Variants in PHKB observed in about 807,000 individuals in gnomAD.
The protein encoded by PHKB is phosphorylase b kinase regulatory subunit beta.
Under a neutral mutation model 152.1 loss-of-function variants are expected in PHKB, and 122 were observed. That is an observed-to-expected ratio of 0.80 (90% CI 0.69 to 0.93). PHKB has a LOEUF of 0.93. Ranked by LOEUF, PHKB falls within the 40% of genes least tolerant of loss-of-function variation. The pLI is 0.00. For missense variants in PHKB, 1,304 were observed against 1,328.4 expected, an observed-to-expected ratio of 0.98 and a Z score of 0.29; for synonymous variants, 436 against 464.9, an observed-to-expected ratio of 0.94 and a Z score of 0.80.
intron 1 of PHKB, 73 bp downstream of exon 1, chr16:47,461,499 A>G: frequency 6.7e-7 from 1 of 1,500,510 alleles, no homozygotes; most frequent in Non-Finnish European, 9.2e-7. Context: ...CCTTGGCGGG[A>G]GGCAGGTGGG....
At chr16:47,495,564 C>T (rs924165070) in intron 1 of PHKB, among the ~76,000 whole-genome samples, 1 of 152,094 alleles carries the variant, frequency 6.6e-6, no homozygotes, top group East Asian at 1.9e-4. Flanking sequence ...TATACATATG[C>T]ACAATTTATA....
intron 6 of PHKB, among the ~76,000 whole-genome samples, chr16:47,531,143 A>G (rs1970854601): frequency 6.6e-6 from 1 of 152,172 alleles, no homozygotes; most frequent in Non-Finnish European, 1.5e-5. Flanking sequence ...TGACTTATAT[A>G]CACCCCCTCC....
In PHKB at chr16:47,543,699, C is replaced by T. The variant is rs556040159; in HGVS notation, c.595-3734C>T. Among the ~76,000 whole-genome samples the T allele has an allele frequency of 2.1e-4, 32 of 152,168 alleles. No homozygotes were observed. In the South Asian group the frequency reaches 6.2e-3, roughly 30 times the overall value. On this transcript the variant is annotated intron_variant, in intron 6 of 30. Transcript: ENST00000323584. ...CAGAGCCTATTATTGATCTATTCAGCTATTCAGCTTCTTCCTGGTTTAGTC... is the reference window on the plus strand; with the variant it reads ...CAGAGCCTATTATTGATCTATTCAGTTATTCAGCTTCTTCCTGGTTTAGTC...
intron 7 of PHKB, chr16:47,565,016 G>T (rs1350179809): frequency 5.8e-6 from 2 of 344,808 alleles, no homozygotes; most frequent in East Asian, 7.1e-5. Context: ...CTGGATAGAG[G>T]TTTGATTTGC....
intron 4 of PHKB, among the ~76,000 whole-genome samples, chr16:47,506,795 A>G (rs951415790): frequency 3.3e-5 from 5 of 152,182 alleles, no homozygotes; most frequent in African/African-American, 1.2e-4. Context: ...ATACACTAAC[A>G]CCAACCATAG....
chr16:47,583,909 T>C (rs1316246325), intron 8 of PHKB, among the ~76,000 whole-genome samples: 1 of 152,232 alleles, frequency 6.6e-6, no homozygotes, highest in Non-Finnish European at 1.5e-5. Flanking sequence ...GGCTTGCCTT[T>C]TGCCCCTGGC....
chr16:47,530,916 G>A (rs956325675), intron 6 of PHKB, among the ~76,000 whole-genome samples: 11 of 152,122 alleles, frequency 7.2e-5, no homozygotes, highest in African/African-American at 1.7e-4. Context: ...TTCCGTAGAC[G>A]TCTCAACAGA....
intron 14 of PHKB, among the ~76,000 whole-genome samples, chr16:47,629,275 C>CT (rs1972775329): frequency 6.6e-6 from 1 of 152,110 alleles, no homozygotes; most frequent in South Asian, 2.1e-4. Context: ...ACCTACTCAT[C>CT]TGACAAAGGG....
At position 47,547,435 on chromosome 16, in the gene PHKB, C is replaced by G; in HGVS notation, c.597C>G (p.Val199=). Residue 199 remains valine, a splice_region_variant and synonymous_variant, in exon 7 of 31, where the codon GTC becomes GTG. Transcript: ENST00000323584. ...GLQIIYNTDE[V]SFIQNLVFCV... ...TGTTTCATTTCTTTTTCTTTTAGGTCTCTTTTATTCAAAACCTTGTATTTT... is the reference window on the plus strand; with the variant it reads ...TGTTTCATTTCTTTTTCTTTTAGGTGTCTTTTATTCAAAACCTTGTATTTT... 6.3e-7 allele frequency: 1 copy of G among 1,581,616 alleles called. No individual in the cohort carries two copies. The highest frequency in any genetic ancestry group is 8.7e-7 in the Non-Finnish European group (1 of 1,150,814).
chr16:47,666,028 A>C (rs375085518), intron 25 of PHKB: 5 of 1,606,208 alleles, frequency 3.1e-6, no homozygotes, highest in Admixed American at 1.7e-5. Flanking sequence ...GTGCAGGGCA[A>C]ACAGGTAAGT....
intron 1 of PHKB, among the ~76,000 whole-genome samples, chr16:47,475,175 T>C (rs1046715229): frequency 3.3e-5 from 5 of 152,236 alleles, no homozygotes; most frequent in African/African-American, 9.6e-5. Flanking sequence ...TGAATTTCCA[T>C]CTTTGTAGCT....
In PHKB at chr16:47,699,599, T is replaced by C. The variant is rs966843780; in HGVS notation, c.*233T>C. The C allele has an allele frequency of 1.8e-6, 1 of 569,310 alleles. No individual in the cohort carries two copies. 35.3% of individuals were successfully genotyped at this position (569,310 alleles called of 1,614,324 possible). A position where few individuals can be genotyped will look rare whatever the true frequency, so the allele number is the denominator to read the frequency against. ...CTCATGATTATGCCAACTATAATAG[T>C]AATCCTCACTGAGTGATAAAAATAG... On this transcript the variant is annotated 3_prime_UTR_variant, in exon 31 of 31. Coordinates refer to ENST00000323584, the MANE Select transcript of PHKB (RefSeq NM_000293.3).
chr16:47,583,982 G>A (rs1226326133), intron 8 of PHKB, among the ~76,000 whole-genome samples: 3 of 151,454 alleles, frequency 2.0e-5, no homozygotes, highest in Non-Finnish European at 4.4e-5. Context: ...GGGTGGTAAA[G>A]TTTTTTGCTT....
chr16:47,611,414 G>T (rs1972425425), intron 14 of PHKB, among the ~76,000 whole-genome samples: 1 of 152,134 alleles, frequency 6.6e-6, no homozygotes, highest in South Asian at 2.1e-4. Context: ...ATAAGTGTTT[G>T]TAGGATCAGC....
At chr16:47,513,969 A>G (rs1970552766) in intron 5 of PHKB, among the ~76,000 whole-genome samples, 1 of 152,186 alleles carries the variant, frequency 6.6e-6, no homozygotes, top group African/African-American at 2.4e-5. Context: ...ATCACCCCAG[A>G]AAGAAACATT....
At chr16:47,597,079 A>G (rs917023502) in intron 13 of PHKB, among the ~76,000 whole-genome samples, 1 of 152,192 alleles carries the variant, frequency 6.6e-6, no homozygotes, top group Non-Finnish European at 1.5e-5. Context: ...AATGAAGACA[A>G]ATTTGATAAA....
intron 19 of PHKB, 60 bp from the exon 20 acceptor site, chr16:47,650,771 A>T (rs1973222897): frequency 1.5e-6 from 2 of 1,325,950 alleles, no homozygotes; most frequent in Middle Eastern, 1.8e-4. Context: ...ACTTAGTATT[A>T]GATTATTAAT....
chr16:47,677,883 A>G (rs1191861154), intron 26 of PHKB, among the ~76,000 whole-genome samples: 1 of 150,558 alleles, frequency 6.6e-6, no homozygotes, highest in East Asian at 2.0e-4. Flanking sequence ...CTCGTCATTT[A>G]GCATTAGGTA....
At chr16:47,554,540 G>A (rs1489364110) in intron 7 of PHKB, among the ~76,000 whole-genome samples, 6 of 147,514 alleles carry the variant, frequency 4.1e-5, no homozygotes, top group Non-Finnish European at 6.1e-5. Flanking sequence ...CTGTCTCCGC[G>A]GAGTTCCAGG....
Sources: gnomAD v4.1 joint callset for allele counts (sites outside exome capture counted in the v4.1 genomes callset) on GRCh38, gnomAD v4.1.1 for gene constraint, MANE v1.5 for transcripts, NCBI Gene and HGNC (gene_info 2026-07-23, HGNC 2026-07-21) for gene names.